ITFG1: variants seen among roughly 807,000 people sequenced by gnomAD.
The protein encoded by ITFG1 is integrin alpha FG-GAP repeat containing 1.
In ITFG1, 34 loss-of-function variants were observed where a neutral mutation model predicts 81.8. That is an observed-to-expected ratio of 0.42 (90% CI 0.32 to 0.55). ITFG1 has a LOEUF of 0.55. Among genes scored for constraint, ITFG1 ranks in the 20% least tolerant of loss-of-function variants. ITFG1 has a pLI of 0.17. For missense variants in ITFG1, 672 were observed against 755.4 expected (o/e 0.89, Z 1.29); for synonymous variants, 285 against 270.6 (o/e 1.05, Z -0.52).
intron 6 of ITFG1, chr16:47,426,128 G>A (rs769814342): frequency 3.3e-5 from 5 of 151,930 alleles, no homozygotes; most frequent in Non-Finnish European, 5.9e-5. Context: ...TGCAGGACTC[G>A]CTTAAGAATT....
chr16:47,234,342 T>C (rs538470411), intron 13 of ITFG1, among the ~76,000 whole-genome samples: 2 of 152,224 alleles, frequency 1.3e-5, no homozygotes, highest in African/African-American at 4.8e-5. Flanking sequence ...AAAAAAACTG[T>C]AATAAATGAA....
At chr16:47,426,837 G>C (rs1969026874) in intron 6 of ITFG1, among the ~76,000 whole-genome samples, 1 of 152,064 alleles carries the variant, frequency 6.6e-6, no homozygotes, top group Non-Finnish European at 1.5e-5. Flanking sequence ...ATTAGGTTTT[G>C]CATCATGGAA....
intron 13 of ITFG1, among the ~76,000 whole-genome samples, chr16:47,234,443 T>C (rs1965850753): frequency 6.6e-6 from 1 of 152,022 alleles, no homozygotes; most frequent in Admixed American, 6.5e-5. Context: ...ATACACGTAG[T>C]AGGAATACAA....
At position 47,154,755 on chromosome 16, in the gene ITFG1, T is replaced by C. The variant is rs1596768139; in HGVS notation, c.*964A>G. On this transcript the variant is annotated 3_prime_UTR_variant, in exon 18 of 18. Transcript: ENST00000320640. Reference sequence around the variant, plus strand: ...CCTACAGCAGTTTCCTTTCAAGAAATCAAATGTTCTTCATTATCACATGAT... The same window carrying C: ...CCTACAGCAGTTTCCTTTCAAGAAACCAAATGTTCTTCATTATCACATGAT... 1 of 152,306 alleles carries C rather than the reference T, an allele frequency of 6.6e-6. No individual in the cohort carries two copies. The highest frequency in any genetic ancestry group is 6.5e-5 in the Admixed American group (1 of 15,296). 9.4% of individuals were successfully genotyped at this position (152,306 alleles called of 1,614,324 possible).
chr16:47,412,825 A>G (rs1023530213), intron 6 of ITFG1, among the ~76,000 whole-genome samples: 2 of 152,170 alleles, frequency 1.3e-5, no homozygotes, highest in Non-Finnish European at 2.9e-5. Flanking sequence ...ATAAAGAAAA[A>G]TGAATTTTGA....
chr16:47,234,370 C>T (rs1003278814), intron 13 of ITFG1, among the ~76,000 whole-genome samples: 13 of 152,206 alleles, frequency 8.5e-5, no homozygotes, highest in African/African-American at 2.6e-4. Flanking sequence ...TTGATGGACT[C>T]ATTGGTAGAT....
chr16:47,444,762 G>C (rs780353921), intron 5 of ITFG1, among the ~76,000 whole-genome samples: 3 of 152,120 alleles, frequency 2.0e-5, no homozygotes, highest in Non-Finnish European at 4.4e-5. Flanking sequence ...GAATATTCCA[G>C]TCACATCTGC....
rs1359771347 is a variant in ITFG1 at position 47,162,599 on chromosome 16, G to A, written c.1519C>T (p.Arg507Trp). 5 of 1,612,206 alleles carry A rather than the reference G, an allele frequency of 3.1e-6. No individual in the cohort carries two copies. Among genetic ancestry groups the A allele is most frequent in the African/African-American group, 1.3e-5 (1 of 74,812 alleles). ...QLPYNVLGLG[R>W]SANFLDHLYV... ...AGATGGTCAAGAAAATTTGCGCTCC[G>A]ACCTAAACCAAGCACGTTGTATGGT... Residue 507 changes from arginine (R) to tryptophan (W), a missense_variant, in exon 15 of 18, where the codon CGG becomes TGG. Transcript: ENST00000320640.
chr16:47,239,091 T>C (rs767096933), intron 12 of ITFG1, among the ~76,000 whole-genome samples: 2 of 152,132 alleles, frequency 1.3e-5, no homozygotes, highest in African/African-American at 2.4e-5. Context: ...ATTTTTGAAG[T>C]AGAGGTGAGA....
chr16:47,252,903 C>T (rs1366138193), intron 12 of ITFG1, among the ~76,000 whole-genome samples: 1 of 152,026 alleles, frequency 6.6e-6, no homozygotes, highest in Non-Finnish European at 1.5e-5. Context: ...AAGGGCATCT[C>T]AAAACAACTA....
chr16:47,416,324 T>C (rs183066949), intron 6 of ITFG1, among the ~76,000 whole-genome samples: 49 of 152,268 alleles, frequency 3.2e-4, no homozygotes, highest in Non-Finnish European at 4.4e-4. Context: ...AGAAGTCATA[T>C]AGATTTGACT....
In ITFG1 at chr16:47,396,169, T is replaced by C. The variant is rs184319039; in HGVS notation, c.656-20229A>G. The C allele has an allele frequency of 5.3e-4, 518 of 985,274 alleles. 2 individuals are homozygous for C. In the Middle Eastern group the frequency reaches 6.8e-3, roughly 13 times the overall value. 61.0% of individuals were successfully genotyped at this position (985,274 alleles called of 1,614,324 possible). On this transcript the variant is annotated intron_variant, in intron 6 of 17. Transcript: ENST00000320640. Reference sequence around the variant, plus strand: ...CAGGAGAAGGAGAGATAAGTCTACATTTGCCTCTGAAGAAAAGTTAATCGG... The same window carrying C: ...CAGGAGAAGGAGAGATAAGTCTACACTTGCCTCTGAAGAAAAGTTAATCGG...
chr16:47,347,582 G>A (rs1362094223), intron 8 of ITFG1, among the ~76,000 whole-genome samples: 1 of 152,176 alleles, frequency 6.6e-6, no homozygotes, highest in Non-Finnish European at 1.5e-5. Flanking sequence ...ACAGCTCAAG[G>A]AGGCCTGCCT....
rs551452723 is a variant in ITFG1, at chr16:47,184,753, G to T, written c.1454-22089C>A. Among the ~76,000 whole-genome samples, 227 of 151,948 alleles carry T rather than the reference G, an allele frequency of 1.5e-3. 4 individuals are homozygous for T. The South Asian group carries it at 0.045, about 30-fold the overall frequency. On this transcript the variant is annotated intron_variant, in intron 14 of 17. Coordinates refer to ENST00000320640, the MANE Select transcript of ITFG1 (RefSeq NM_030790.5). The stretch of plus-strand genomic sequence containing the variant: ...CAAAATAACCAGCTAACATCATAAT[G>T]ACAGGACCAAATTCACACATAACAA...
intron 13 of ITFG1, among the ~76,000 whole-genome samples, chr16:47,231,685 T>TAATAGC (rs546272487): frequency 7.8e-4 from 119 of 152,330 alleles, no homozygotes; most frequent in South Asian, 1.9e-3. Context: ...CATTGACAAA[T>TAATAGC]AATAGCAGCT....
At chr16:47,385,368 G>A (rs1381416838) in intron 6 of ITFG1, among the ~76,000 whole-genome samples, 1 of 152,156 alleles carries the variant, frequency 6.6e-6, no homozygotes, top group African/African-American at 2.4e-5. Context: ...GCTCTTATAT[G>A]CATTCCAGTG....
chr16:47,366,433 T>A (rs916299856), intron 7 of ITFG1, among the ~76,000 whole-genome samples: 1 of 152,148 alleles, frequency 6.6e-6, no homozygotes, highest in Non-Finnish European at 1.5e-5. Flanking sequence ...AAGCAAAGGA[T>A]TGCAACAGCA....
At chr16:47,428,981 C>T (rs957378131) in intron 5 of ITFG1, 83 bp from the exon 6 acceptor site, 1 of 759,342 alleles carries the variant, frequency 1.3e-6, no homozygotes, top group Non-Finnish European at 2.1e-6. Flanking sequence ...GCATGCAAAA[C>T]ACTTAAATTT....
At chr16:47,376,448 T>C (rs890434968) in intron 6 of ITFG1, among the ~76,000 whole-genome samples, 5 of 152,210 alleles carry the variant, frequency 3.3e-5, no homozygotes, top group African/African-American at 9.6e-5. Context: ...AAATTCCAGC[T>C]AACGAATGGT....
Sources: gnomAD v4.1 joint callset for allele counts (sites outside exome capture counted in the v4.1 genomes callset) on GRCh38, gnomAD v4.1.1 for gene constraint, MANE v1.5 for transcripts, NCBI Gene and HGNC (gene_info 2026-07-23, HGNC 2026-07-21) for gene names.